Variants in CSMD3 observed in about 807,000 individuals in gnomAD.
The protein encoded by CSMD3 is CUB and sushi domain-containing protein 3.
CSMD3 carries 177 observed loss-of-function variants against 435.2 expected under a neutral mutation model. The ratio of observed to expected loss-of-function variants is 0.41; its 90% CI spans 0.36 to 0.46. The LOEUF (loss-of-function observed/expected upper bound fraction) is 0.46, where lower values mean the gene tolerates loss of function less well. Ranked by LOEUF, CSMD3 falls within the 20% of genes least tolerant of loss-of-function variation. The pLI, the probability that CSMD3 is intolerant of heterozygous loss-of-function variation, is 0.34. For missense variants in CSMD3, 4,265 were observed against 4,504.6 expected (o/e 0.95, Z 1.52); for synonymous variants, 1,656 against 1,520.5 (o/e 1.09, Z -2.07).
rs2090430636 is a variant in CSMD3, at chr8:113,104,943, G to C, written c.710-5980C>G. ...CATTAATTTCCATTTACCTTCCAAA[G>C]AGACATGTTGAGAAAATGAGAGACA... On this transcript the variant is annotated intron_variant, in intron 4 of 70. Coordinates refer to ENST00000297405, the MANE Select transcript of CSMD3 (RefSeq NM_198123.2). Among the ~76,000 whole-genome samples the C allele has an allele frequency of 3.3e-5, 5 of 152,136 alleles. 1 individual carries two copies. The highest frequency in any genetic ancestry group is 2.6e-4 in the Admixed American group (4 of 15,276).
chr8:113,389,229 ATACTT>A (rs1156235691), intron 1 of CSMD3, among the ~76,000 whole-genome samples: 1 of 151,680 alleles, frequency 6.6e-6, no homozygotes, highest in East Asian at 1.9e-4. Flanking sequence ...TTTAAATTGA[ATACTT>A]TAAACACAAA....
chr8:112,480,121 T>G (rs1819492353), intron 31 of CSMD3, among the ~76,000 whole-genome samples: 1 of 152,200 alleles, frequency 6.6e-6, no homozygotes, highest in Admixed American at 6.5e-5. Flanking sequence ...AAGAAGATTA[T>G]TTTGGAACTT....
At chr8:112,368,277 A>C (rs948031312) in intron 38 of CSMD3, among the ~76,000 whole-genome samples, 3 of 152,118 alleles carry the variant, frequency 2.0e-5, no homozygotes, top group African/African-American at 7.2e-5. Context: ...TTCATCACCT[A>C]AATTATACAA....
chr8:112,569,505 A>C lies in CSMD3; in HGVS notation c.4042+3996T>G, dbSNP rs141036312. Among the ~76,000 whole-genome samples the C allele has an allele frequency of 7.9e-3, 1,197 of 152,280 alleles. 22 individuals are homozygous for C. The highest frequency in any genetic ancestry group is 0.027 in the African/African-American group (1,110 of 41,564). ...ATAAATGGACCAATAAGATAATTGA[A>C]ATAAAACGCACTTTAAAGGTCTGTT... is the stretch of plus-strand genomic sequence containing the variant. On this transcript the variant is annotated intron_variant, in intron 24 of 70. Coordinates refer to ENST00000297405, the MANE Select transcript of CSMD3 (RefSeq NM_198123.2).
chr8:112,781,294 C>G (rs1204488687), intron 13 of CSMD3, among the ~76,000 whole-genome samples: 1 of 151,948 alleles, frequency 6.6e-6, no homozygotes, highest in Non-Finnish European at 1.5e-5. Flanking sequence ...GCAGTACTTA[C>G]CATGGTTGTA....
chr8:113,317,525 T>C (rs1346098116), intron 1 of CSMD3, among the ~76,000 whole-genome samples: 1 of 152,254 alleles, frequency 6.6e-6, no homozygotes, highest in African/African-American at 2.4e-5. Flanking sequence ...TACACCTATA[T>C]TTAAACTTCC....
chr8:113,260,746 C>T (rs561121011), intron 3 of CSMD3, among the ~76,000 whole-genome samples: 27 of 152,216 alleles, frequency 1.8e-4, no homozygotes, highest in Admixed American at 8.5e-4. Context: ...ACTCCATAGG[C>T]CCCAGTGTGT....
chr8:112,542,306 A>G (rs1029248254), intron 27 of CSMD3, among the ~76,000 whole-genome samples: 10 of 150,920 alleles, frequency 6.6e-5, no homozygotes, highest in Non-Finnish European at 1.5e-4. Flanking sequence ...AGTCCTGGCC[A>G]GAGCAGTTTA....
intron 20 of CSMD3, among the ~76,000 whole-genome samples, chr8:112,641,381 G>A (rs571961985): frequency 6.6e-6 from 1 of 152,188 alleles, no homozygotes; most frequent in East Asian, 1.9e-4. Flanking sequence ...TAAATATTTA[G>A]AAGACTGTAA....
At chr8:112,912,781 T>C (rs1369563061) in intron 10 of CSMD3, among the ~76,000 whole-genome samples, 1 of 151,864 alleles carries the variant, frequency 6.6e-6, no homozygotes, top group African/African-American at 2.4e-5. Flanking sequence ...AGAGACAACA[T>C]ATGAAGTGAG....
intron 8 of CSMD3, among the ~76,000 whole-genome samples, chr8:112,950,595 A>G (rs2130811144): frequency 6.6e-6 from 1 of 152,120 alleles, no homozygotes; most frequent in Non-Finnish European, 1.5e-5. Flanking sequence ...ACTATTCTAC[A>G]TACTTTATGT....
At chr8:112,225,005 T>C (rs996814176) in intron 70 of CSMD3, 75 bp from the exon 71 acceptor site, 23 of 1,335,620 alleles carry the variant, frequency 1.7e-5, no homozygotes, top group Non-Finnish European at 2.2e-5. Context: ...AAACATAATG[T>C]ACATCGTTAG....
At chr8:112,587,275 T>A (rs755030484) in intron 22 of CSMD3, 40 bp from the exon 23 acceptor site, 3 of 1,424,790 alleles carry the variant, frequency 2.1e-6, no homozygotes, top group African/African-American at 2.8e-5. Context: ...GTTTAATAGA[T>A]AGCAGTATCA....
chr8:112,685,851 G>T (rs1346174883), intron 14 of CSMD3, 119 bp from the exon 15 acceptor site: 11 of 719,110 alleles, frequency 1.5e-5, no homozygotes, highest in Non-Finnish European at 2.5e-5. Flanking sequence ...ATTAAATTAT[G>T]TAAATTATAA....
In CSMD3 at chr8:112,698,591, T is replaced by C. The variant is rs557457952; in HGVS notation, c.1973-8541A>G. Among the ~76,000 whole-genome samples the C allele has an allele frequency of 2.7e-3, 406 of 152,250 alleles. 2 individuals are homozygous for C. The highest frequency in any genetic ancestry group is 9.3e-3 in the African/African-American group (385 of 41,562). On this transcript the variant is annotated intron_variant, in intron 13 of 70. Transcript: ENST00000297405. ...ATAAAAGTAGGGTGTACTTAAAGAA[T>C]GATGGTGGGGACATATCAAAAGGAC...
At chr8:112,578,579 A>G (rs1015936887) in intron 23 of CSMD3, among the ~76,000 whole-genome samples, 3 of 151,998 alleles carry the variant, frequency 2.0e-5, no homozygotes, top group African/African-American at 7.2e-5. Context: ...GTGTGCTGGA[A>G]AATGTTTAAC....
chr8:112,926,823 T>C (rs1029370991), intron 9 of CSMD3, among the ~76,000 whole-genome samples: 2 of 152,106 alleles, frequency 1.3e-5, no homozygotes, highest in African/African-American at 4.8e-5. Context: ...CTTGACAGCA[T>C]TACATCAAGA....
At chr8:112,455,358 G>C (rs1366531758) in intron 32 of CSMD3, among the ~76,000 whole-genome samples, 1 of 151,866 alleles carries the variant, frequency 6.6e-6, no homozygotes, top group East Asian at 1.9e-4. Flanking sequence ...AATACCACAT[G>C]TTCTCACTTG....
At chr8:112,409,127 C>T (rs1832111495) in intron 32 of CSMD3, 95 bp from the exon 33 acceptor site, 1 of 1,573,384 alleles carries the variant, frequency 6.4e-7, no homozygotes, top group Admixed American at 1.9e-5. Context: ...AGAGAGAGAA[C>T]AAAGTATTAC....
Sources: gnomAD v4.1 joint callset for allele counts (sites outside exome capture counted in the v4.1 genomes callset) on GRCh38, gnomAD v4.1.1 for gene constraint, MANE v1.5 for transcripts, NCBI Gene and HGNC (gene_info 2026-07-23, HGNC 2026-07-21) for gene names.